VCAN: variants seen among roughly 807,000 people sequenced by gnomAD.
The protein encoded by VCAN is versican core protein.
VCAN carries 44 observed loss-of-function variants against 245.5 expected under a neutral mutation model. That is an observed-to-expected ratio of 0.18 (90% confidence interval 0.14 to 0.23). The LOEUF is 0.23. VCAN is among the 10% of genes least tolerant of loss of function. The pLI is 1.00. For synonymous variants in VCAN, 1,413 were observed against 1,437.0 expected, an observed-to-expected ratio of 0.98 and a Z score of 0.38; for missense variants, 3,793 against 4,057.9, an observed-to-expected ratio of 0.93 and a Z score of 1.77.
At chr5:83,552,493 T>C (rs1468172982) in intron 10 of VCAN, among the ~76,000 whole-genome samples, 1 of 152,194 alleles carries the variant, frequency 6.6e-6, no homozygotes, top group Non-Finnish European at 1.5e-5. Flanking sequence ...AAGAATACAG[T>C]GCTATGAACA....
intron 9 of VCAN, among the ~76,000 whole-genome samples, chr5:83,547,147 C>T (rs1007714495): frequency 6.6e-6 from 1 of 152,162 alleles, no homozygotes; most frequent in Non-Finnish European, 1.5e-5. Flanking sequence ...TATTGGGAGA[C>T]AGTACCAGAA....
intron 11 of VCAN, among the ~76,000 whole-genome samples, chr5:83,554,705 T>C (rs147901535): frequency 1.3e-5 from 2 of 152,218 alleles, no homozygotes; most frequent in East Asian, 3.9e-4. Flanking sequence ...TTATAGTAAA[T>C]TGCTAGGGGA....
chr5:83,545,304 A>C (rs1280654471), intron 8 of VCAN, among the ~76,000 whole-genome samples: 2 of 152,226 alleles, frequency 1.3e-5, no homozygotes, highest in East Asian at 1.9e-4. Context: ...AATATCATTT[A>C]AGAGTAATCG....
rs762541461 is a variant in VCAN, at chr5:83,541,492, C to T, written c.8489C>T (p.Thr2830Ile). Residue 2830 changes from threonine (T) to isoleucine (I), a missense_variant, in exon 8 of 15, where the codon ACT (threonine) becomes ATT (isoleucine). By Grantham distance (89) the Thr-to-Ile change is moderately conservative. Coordinates refer to ENST00000265077, the MANE Select transcript of VCAN (RefSeq NM_004385.5). ...LSSQTPSSPL[T>I]IYSGSEASGH... ...TCTCAGACACCATCATCTCCCCTCA[C>T]TATCTACTCAGGCAGTGAAGCCTCT... 5 of 1,614,050 alleles carry T rather than the reference C, an allele frequency of 3.1e-6. No individual in the cohort carries two copies. The South Asian group carries it at 5.5e-5, about 18-fold the overall frequency.
At chr5:83,498,850 A>T (rs1309751184) in intron 5 of VCAN, among the ~76,000 whole-genome samples, 1 of 152,154 alleles carries the variant, frequency 6.6e-6, no homozygotes, top group Non-Finnish European at 1.5e-5. Flanking sequence ...AAACAGTTAA[A>T]CACCATTGCC....
intron 8 of VCAN, 28 bp from the exon 9 acceptor site, chr5:83,545,509 G>T: frequency 1.3e-6 from 2 of 1,592,128 alleles, no homozygotes; most frequent in Non-Finnish European, 1.7e-6. Context: ...GAGCCTAACT[G>T]CTTTTCTTAC....
chr5:83,500,633 T>C (rs569250344), intron 5 of VCAN, among the ~76,000 whole-genome samples: 3 of 152,314 alleles, frequency 2.0e-5, no homozygotes, highest in East Asian at 3.9e-4. Context: ...ACAGGTTAAG[T>C]GATTAGATAT....
At chr5:83,486,376 G>C (rs931897537) in intron 2 of VCAN, among the ~76,000 whole-genome samples, 1 of 152,164 alleles carries the variant, frequency 6.6e-6, no homozygotes, top group Non-Finnish European at 1.5e-5. Flanking sequence ...TGCCACAGTG[G>C]ACCACCTGGA....
chr5:83,524,543 CCT>C (rs1746221515), intron 7 of VCAN, among the ~76,000 whole-genome samples: 1 of 62,762 alleles, frequency 1.6e-5, no homozygotes, highest in Non-Finnish European at 2.5e-5. Flanking sequence ...TGCGTACCTA[CCT>C]ACCTACCTAC....
chr5:83,555,868 C>T (rs1284658885), intron 12 of VCAN, among the ~76,000 whole-genome samples: 1 of 152,066 alleles, frequency 6.6e-6, no homozygotes, highest in Non-Finnish European at 1.5e-5. Flanking sequence ...ATCCACTGGG[C>T]TAGATAGTAA....
intron 13 of VCAN, 148 bp downstream of exon 13, chr5:83,572,708 C>T: frequency 9.1e-7 from 1 of 1,099,556 alleles, no homozygotes; most frequent in South Asian, 1.4e-5. Context: ...ATATTTCACT[C>T]TTCCAAAACA....
intron 1 of VCAN, among the ~76,000 whole-genome samples, chr5:83,474,519 C>T (rs1360348599): frequency 6.6e-6 from 1 of 152,246 alleles, no homozygotes; most frequent in Non-Finnish European, 1.5e-5. Context: ...CCCGCCCCCA[C>T]TCGCTCACCT....
At chr5:83,547,929 CT>C (rs1747297882) in intron 9 of VCAN, 41 bp from the exon 10 acceptor site, 1 of 1,408,940 alleles carries the variant, frequency 7.1e-7, no homozygotes, top group Non-Finnish European at 1.0e-6. Context: ...TTCTTTGATA[CT>C]TTTTGAAAGT....
intron 1 of VCAN, among the ~76,000 whole-genome samples, chr5:83,480,017 C>A (rs554686982): frequency 6.6e-6 from 1 of 152,148 alleles, no homozygotes. Flanking sequence ...GGTTAATGCT[C>A]ATGATCAGCC....
chr5:83,508,966 T>A (rs1745562241), intron 5 of VCAN, among the ~76,000 whole-genome samples: 1 of 152,072 alleles, frequency 6.6e-6, no homozygotes, highest in Non-Finnish European at 1.5e-5. Context: ...GAGTGTGCTA[T>A]GATCATGCCT....
rs1206863538 is a variant in VCAN at position 83,493,660 on chromosome 5, C to T, written c.560C>T (p.Ala187Val). ...AVIATPEQLF[A>V]AYEDGFEQCD... ...ATAGCAACTCCAGAGCAGCTCTTTG[C>T]TGCCTATGAAGATGGATTTGAGCAG... Residue 187 changes from alanine to valine, a missense_variant, in exon 4 of 15, where the codon GCT (alanine) becomes GTT (valine). By Grantham distance (64) the Ala-to-Val change is moderately conservative (BLOSUM62 0). Coordinates refer to ENST00000265077, the MANE Select transcript of VCAN (RefSeq NM_004385.5). The T allele has an allele frequency of 6.2e-7, 1 of 1,614,136 alleles. No homozygotes were observed. Among genetic ancestry groups the T allele is most frequent in the South Asian group, 1.1e-5 (1 of 91,082 alleles).
chr5:83,500,266 G>A (rs1745291877), intron 5 of VCAN, among the ~76,000 whole-genome samples: 1 of 152,164 alleles, frequency 6.6e-6, no homozygotes, highest in Non-Finnish European at 1.5e-5. Flanking sequence ...ATTTGTTGCA[G>A]TTGGCCCTAG....
At position 83,541,974 on chromosome 5, in the gene VCAN, G is replaced by T; in HGVS notation, c.8971G>T (p.Val2991Leu). The T allele has an allele frequency of 1.2e-6, 2 of 1,613,798 alleles. No individual in the cohort carries two copies. The highest frequency in any genetic ancestry group is 1.7e-6 in the Non-Finnish European group (2 of 1,179,834). The change falls in exon 8 of 15, where the codon GTG becomes TTG. Residue 2991 changes from valine (V) to leucine (L), a missense_variant. By Grantham distance (32) the Val-to-Leu change is conservative. Transcript: ENST00000265077. ...CACCTATGGGGTCGAGGCAGGTGTG[G>T]TGCCTTGGCTAAGTCCACAGACTTC... ...SATYGVEAGV[V>L]PWLSPQTSER...
chr5:83,507,477 G>T (rs1048387445), intron 5 of VCAN, among the ~76,000 whole-genome samples: 1 of 152,200 alleles, frequency 6.6e-6, no homozygotes, highest in African/African-American at 2.4e-5. Context: ...AGATAAAAAG[G>T]TGGCTTTATG....
Sources: gnomAD v4.1 joint callset for allele counts (sites outside exome capture counted in the v4.1 genomes callset) on GRCh38, gnomAD v4.1.1 for gene constraint, MANE v1.5 for transcripts, NCBI Gene and HGNC (gene_info 2026-07-23, HGNC 2026-07-21) for gene names.